CCDC150: variants seen among roughly 807,000 people sequenced by gnomAD.
The protein encoded by CCDC150 is coiled-coil domain containing 150.
CCDC150 carries 151 observed loss-of-function variants against 156.5 expected under a neutral mutation model. That is an observed-to-expected ratio of 0.97 (90% CI 0.85 to 1.10). The LOEUF (loss-of-function observed/expected upper bound fraction) is 1.10, where lower values mean the gene tolerates loss of function less well. CCDC150 is among the 50% of genes least tolerant of loss of function. CCDC150 has a pLI of 0.00. For synonymous variants in CCDC150, 452 were observed against 429.4 expected (o/e 1.05, Z -0.65); for missense variants, 1,312 against 1,268.1 (o/e 1.03, Z -0.53).
intron 5 of CCDC150, among the ~76,000 whole-genome samples, chr2:196,660,159 T>C (rs1693475626): frequency 6.6e-6 from 1 of 152,218 alleles, no homozygotes; most frequent in Non-Finnish European, 1.5e-5. Context: ...TTTCTTTATA[T>C]AGCTGAACAA....
At chr2:196,721,903 C>G (rs1394309187) in intron 21 of CCDC150, among the ~76,000 whole-genome samples, 1 of 152,232 alleles carries the variant, frequency 6.6e-6, no homozygotes, top group East Asian at 1.9e-4. Flanking sequence ...TCCTTCTCAG[C>G]TCTTCCTTCA....
intron 18 of CCDC150, 50 bp downstream of exon 18, chr2:196,718,681 T>A: frequency 6.3e-7 from 1 of 1,598,098 alleles, no homozygotes. Flanking sequence ...GAAGCACTTA[T>A]GAAATCTTTC....
At position 196,732,581 on chromosome 2, in the gene CCDC150, T is replaced by C. The variant is rs899321168; in HGVS notation, c.*19T>C. On this transcript the variant is annotated 3_prime_UTR_variant, in exon 28 of 28. Coordinates refer to ENST00000389175, the MANE Select transcript of CCDC150 (RefSeq NM_001080539.2). ...GAAGTGATGTCCTTGACAAGGGAGC[T>C]TCTTTATGTGTAGCTACACTCCATG... is the stretch of plus-strand genomic sequence containing the variant. 6 of 1,504,610 alleles carry C rather than the reference T, an allele frequency of 4.0e-6. No individual in the cohort carries two copies. Among genetic ancestry groups the C allele is most frequent in the Non-Finnish European group, 5.6e-6 (6 of 1,080,624 alleles). The allele number at this position is 1,504,610 out of a possible 1,614,324, so 93.2% of individuals were successfully genotyped here.
chr2:196,671,142 T>C (rs1033032373), intron 8 of CCDC150, among the ~76,000 whole-genome samples: 1 of 152,180 alleles, frequency 6.6e-6, no homozygotes, highest in Non-Finnish European at 1.5e-5. Context: ...TAATGACATA[T>C]ATCTACCATT....
At chr2:196,706,259 G>A (rs1696625403) in intron 15 of CCDC150, among the ~76,000 whole-genome samples, 1 of 152,138 alleles carries the variant, frequency 6.6e-6, no homozygotes, top group South Asian at 2.1e-4. Flanking sequence ...TGGATTCCTA[G>A]GTATTTTATT....
intron 17 of CCDC150, chr2:196,713,187 A>G (rs753795259): frequency 6.6e-6 from 7 of 1,054,236 alleles, no homozygotes; most frequent in African/African-American, 4.8e-5. Context: ...TTGCTGGGTC[A>G]TATTTTACAG....
Position 196,729,244 on chromosome 2 carries a change from A to C in CCDC150, c.2608A>C (p.Thr870Pro), listed in dbSNP as rs1167365353. The change falls in exon 23 of 28, where the codon ACC (threonine) becomes CCC (proline). Residue 870 changes from threonine to proline, a missense_variant. By Grantham distance (38) the Thr-to-Pro change is conservative. Transcript: ENST00000389175. Reference protein sequence around the residue: ...ANFRSVEVSRTNRELRQKLAE... With the variant: ...ANFRSVEVSRPNRELRQKLAE... ...CTTCAGATCAGTGGAAGTGTCCCGG[A>C]CCAACCGAGAGCTGCGACAGAAACT... 6.2e-7 allele frequency: 1 copy of C among 1,613,970 alleles called. No homozygotes were observed. The highest frequency in any genetic ancestry group is 1.1e-5 in the South Asian group (1 of 91,070).
intron 13 of CCDC150, among the ~76,000 whole-genome samples, chr2:196,679,675 A>C (rs191589759): frequency 4.6e-4 from 70 of 152,370 alleles, no homozygotes; most frequent in African/African-American, 9.6e-4. Flanking sequence ...TATGTTTAGC[A>C]TAATAACAAA....
intron 17 of CCDC150, among the ~76,000 whole-genome samples, chr2:196,716,250 C>T (rs969228786): frequency 6.6e-6 from 1 of 152,180 alleles, no homozygotes; most frequent in African/African-American, 2.4e-5. Flanking sequence ...CCAGTCAGTG[C>T]ACTACTAAGT....
intron 2 of CCDC150, among the ~76,000 whole-genome samples, chr2:196,651,478 T>C (rs1235433358): frequency 6.6e-6 from 1 of 152,248 alleles, no homozygotes; most frequent in East Asian, 1.9e-4. Flanking sequence ...ATAAACTCTT[T>C]CACCTTTTGT....
At chr2:196,686,752 C>A (rs556043511) in intron 13 of CCDC150, among the ~76,000 whole-genome samples, 27 of 152,034 alleles carry the variant, frequency 1.8e-4, no homozygotes, top group African/African-American at 6.3e-4. Context: ...TTTCCTGATT[C>A]TCTCCCTCCA....
chr2:196,693,264 A>T (rs1244667037), intron 13 of CCDC150, among the ~76,000 whole-genome samples: 4 of 152,092 alleles, frequency 2.6e-5, no homozygotes, highest in African/African-American at 9.7e-5. Flanking sequence ...ATTGACTGAA[A>T]CATTGTTATG....
chr2:196,662,286 G>T (rs1023623448), intron 5 of CCDC150, among the ~76,000 whole-genome samples: 2 of 152,082 alleles, frequency 1.3e-5, no homozygotes, highest in Non-Finnish European at 2.9e-5. Flanking sequence ...GACCACATAA[G>T]AATACTTCTA....
At chr2:196,648,181 C>G (rs2125570671) in intron 2 of CCDC150, among the ~76,000 whole-genome samples, 1 of 152,252 alleles carries the variant, frequency 6.6e-6, no homozygotes, top group African/African-American at 2.4e-5. Flanking sequence ...GATCCTATGG[C>G]AGTTCTACTT....
At chr2:196,704,834 A>C (rs1696500133) in intron 15 of CCDC150, among the ~76,000 whole-genome samples, 2 of 152,128 alleles carry the variant, frequency 1.3e-5, no homozygotes, top group African/African-American at 4.8e-5. Context: ...GTTTGCTGAT[A>C]ATGATGGTTT....
At chr2:196,706,384 G>A (rs556907294) in intron 15 of CCDC150, among the ~76,000 whole-genome samples, 59 of 152,344 alleles carry the variant, frequency 3.9e-4, no homozygotes, top group African/African-American at 1.4e-3. Context: ...CTTTTCTGAA[G>A]TAGCTTATCA....
At chr2:196,645,054 G>A (rs1252852786) in intron 1 of CCDC150, among the ~76,000 whole-genome samples, 1 of 152,118 alleles carries the variant, frequency 6.6e-6, no homozygotes, top group African/African-American at 2.4e-5. Flanking sequence ...AACTTAGGAG[G>A]TGGAGGTTGC....
intron 13 of CCDC150, among the ~76,000 whole-genome samples, chr2:196,694,622 G>A (rs1379059625): frequency 2.0e-5 from 3 of 152,148 alleles, no homozygotes; most frequent in African/African-American, 2.4e-5. Flanking sequence ...CCGGCACTTT[G>A]TGGGGCTGAG....
At chr2:196,691,418 T>G (rs920328261) in intron 13 of CCDC150, among the ~76,000 whole-genome samples, 1 of 152,204 alleles carries the variant, frequency 6.6e-6, no homozygotes, top group Admixed American at 6.5e-5. Flanking sequence ...TTCAATTTCT[T>G]CTTCCTGGTT....
Sources: gnomAD v4.1 joint callset for allele counts (sites outside exome capture counted in the v4.1 genomes callset) on GRCh38, gnomAD v4.1.1 for gene constraint, MANE v1.5 for transcripts, NCBI Gene and HGNC (gene_info 2026-07-23, HGNC 2026-07-21) for gene names.